The following PSMA1 variants were observed in gnomAD, a reference collection of about 807,000 sequenced individuals.
PSMA1 encodes proteasome subunit alpha type-1.
A neutral mutation model predicts 38.4 loss-of-function variants in PSMA1; 3 were observed. The observed-to-expected ratio is 0.08, with a 90% CI of 0.04 to 0.20. The LOEUF (loss-of-function observed/expected upper bound fraction) is 0.20. Among genes scored for constraint, PSMA1 ranks in the 10% least tolerant of loss-of-function variants. PSMA1 has a pLI of 1.00. For missense variants in PSMA1, 227 were observed against 325.3 expected (o/e 0.70, Z 2.32); for synonymous variants, 101 against 107.1 (o/e 0.94, Z 0.35).
chr11:14,525,976 TC>T (rs1416875122), intron 2 of PSMA1, among the ~76,000 whole-genome samples: 1 of 152,168 alleles, frequency 6.6e-6, no homozygotes, highest in African/African-American at 2.4e-5. Flanking sequence ...ACCCTCCTGC[TC>T]CTTCAACATT....
chr11:14,512,800 T>A (rs1001837302), intron 7 of PSMA1, among the ~76,000 whole-genome samples: 6 of 152,226 alleles, frequency 3.9e-5, no homozygotes, highest in Non-Finnish European at 8.8e-5. Context: ...CTAGCATATC[T>A]CCAAATTTAG....
At chr11:14,584,803 T>A (rs554881045) in intron 2 of PSMA1, among the ~76,000 whole-genome samples, 137 of 152,354 alleles carry the variant, frequency 9.0e-4, no homozygotes, top group African/African-American at 3.2e-3. Context: ...CTTCCTCATA[T>A]GCCATTCTGC....
At chr11:14,539,098 G>A (rs988080994) in intron 2 of PSMA1, among the ~76,000 whole-genome samples, 1 of 152,166 alleles carries the variant, frequency 6.6e-6, no homozygotes, top group Non-Finnish European at 1.5e-5. Flanking sequence ...TTGTCTGTGG[G>A]AATTTCAACA....
At chr11:14,510,461 T>C (rs997845949) in intron 8 of PSMA1, among the ~76,000 whole-genome samples, 4 of 152,188 alleles carry the variant, frequency 2.6e-5, no homozygotes, top group Non-Finnish European at 5.9e-5. Context: ...TAATATACTA[T>C]ATAATGTACT....
Position 14,590,452 on chromosome 11 carries a change from A to G in PSMA1, c.21+20514T>C, listed in dbSNP as rs906711822. Among the ~76,000 whole-genome samples, 12 of 152,184 alleles carry G rather than the reference A, an allele frequency of 7.9e-5. 1 individual carries two copies. Among genetic ancestry groups the G allele is most frequent in the African/African-American group, 2.7e-4 (11 of 41,438 alleles). ...AGGTGAGAATGGTCTCATGAAAACC[A>G]AAAAAACAGAGTGTTTCTAGAATGA... On this transcript the variant is annotated intron_variant, in intron 2 of 10. Transcript: ENST00000418988.
At chr11:14,595,370 C>T (rs1852473944) in intron 2 of PSMA1, among the ~76,000 whole-genome samples, 1 of 152,212 alleles carries the variant, frequency 6.6e-6, no homozygotes, top group Non-Finnish European at 1.5e-5. Context: ...ACACTCCCAC[C>T]AACGGTGTAA....
upstream of PSMA1, among the ~76,000 whole-genome samples, chr11:14,521,491 C>CAAA (rs60366805): frequency 7.5e-6 from 1 of 132,524 alleles, no homozygotes. Context: ...GATTCTGTTT[C>CAAA]AAAAAAAAAA....
intron 8 of PSMA1, among the ~76,000 whole-genome samples, chr11:14,510,169 G>A (rs1005237197): frequency 6.6e-6 from 1 of 151,930 alleles, no homozygotes; most frequent in Non-Finnish European, 1.5e-5. Flanking sequence ...TTACCTCTCT[G>A]ATTTCTTCCC....
At chr11:14,605,614 T>C (rs1852633892) in intron 2 of PSMA1, among the ~76,000 whole-genome samples, 1 of 152,128 alleles carries the variant, frequency 6.6e-6, no homozygotes, top group Non-Finnish European at 1.5e-5. Context: ...CTCAAACTCC[T>C]GGAATCAAGC....
intron 1 of PSMA1, 110 bp from the exon 2 acceptor site, chr11:14,519,151 G>T: frequency 1.1e-6 from 1 of 876,288 alleles, no homozygotes; most frequent in Non-Finnish European, 1.9e-6. Flanking sequence ...AAGGCACTCT[G>T]TTCATGCAGT....
intron 2 of PSMA1, among the ~76,000 whole-genome samples, chr11:14,589,104 A>G (rs942489117): frequency 6.6e-6 from 1 of 152,096 alleles, no homozygotes; most frequent in African/African-American, 2.4e-5. Flanking sequence ...CTCTTCTCCT[A>G]GATTTCTGCA....
chr11:14,596,057 T>C (rs1234261275), intron 2 of PSMA1, among the ~76,000 whole-genome samples: 1 of 152,190 alleles, frequency 6.6e-6, no homozygotes, highest in Non-Finnish European at 1.5e-5. Context: ...TGGTTGTAGA[T>C]GTGTGGTATT....
rs752249749 is a variant in PSMA1, at chr11:14,517,622, T to C, written c.254+20A>G. The stretch of plus-strand genomic sequence containing the variant: ...AATTATGAAACAAAAAGGATGTTTA[T>C]TTTTCATGATTATACTTACCATAAC... On this transcript the variant is annotated intron_variant, in intron 4 of 9. Coordinates refer to ENST00000396394, the MANE Select transcript of PSMA1 (RefSeq NM_002786.4). 35 of 1,490,026 alleles carry C rather than the reference T, an allele frequency of 2.3e-5. No individual in the cohort carries two copies. Among genetic ancestry groups the C allele is most frequent in the Non-Finnish European group, 3.1e-5 (34 of 1,104,494 alleles). The allele number at this position is 1,490,026 out of a possible 1,614,324, so 92.3% of individuals were successfully genotyped here.
chr11:14,533,563 TTTTTCTTTTTTCTTTTC>T (rs1851671502), intron 2 of PSMA1, among the ~76,000 whole-genome samples: 1 of 141,364 alleles, frequency 7.1e-6, no homozygotes, highest in Non-Finnish European at 1.5e-5. Flanking sequence ...CTTCTAAGTT[TTTTTCTTTTTTCTTTTC>T]TTTTCTTTTT....
At chr11:14,521,329 AATAAT>A (rs1266306594), upstream of PSMA1, among the ~76,000 whole-genome samples, 1 of 114,854 alleles carries the variant, frequency 8.7e-6, no homozygotes, top group Admixed American at 8.5e-5. Flanking sequence ...TAAGAATAAG[AATAAT>A]AAAAAAAAAA....
intron 2 of PSMA1, among the ~76,000 whole-genome samples, chr11:14,590,888 G>A (rs1228232023): frequency 6.6e-6 from 1 of 152,260 alleles, no homozygotes; most frequent in Non-Finnish European, 1.5e-5. Context: ...ACACCCCAGT[G>A]AGAGGTGACA....
chr11:14,511,711 G>C (rs1486894791), intron 7 of PSMA1, among the ~76,000 whole-genome samples: 1 of 152,170 alleles, frequency 6.6e-6, no homozygotes, highest in Non-Finnish European at 1.5e-5. Context: ...TCTTAGCAGT[G>C]AATGACTAAA....
At chr11:14,602,970 C>T (rs927237779) in intron 2 of PSMA1, among the ~76,000 whole-genome samples, 11 of 152,164 alleles carry the variant, frequency 7.2e-5, no homozygotes, top group African/African-American at 2.4e-4. Flanking sequence ...ATGTTTCACC[C>T]ACACTATAGA....
intron 5 of PSMA1, 154 bp downstream of exon 5, chr11:14,514,249 G>C: frequency 7.3e-7 from 1 of 1,372,108 alleles, no homozygotes; most frequent in South Asian, 2.0e-5. Flanking sequence ...AATATAAATT[G>C]CTTATAAAGG....
Sources: allele counts gnomAD v4.1 joint callset (sites outside exome capture counted in the v4.1 genomes callset), GRCh38; gene constraint gnomAD v4.1.1; transcripts MANE v1.5; gene names NCBI Gene and HGNC (gene_info 2026-07-23, HGNC 2026-07-21).